PCSK5: variants seen among roughly 807,000 people sequenced by gnomAD.
The protein encoded by PCSK5 is prohormone convertase 5.
In PCSK5, 129 loss-of-function variants were observed where a neutral mutation model predicts 233.2. The observed-to-expected ratio is 0.55, with a 90% CI of 0.48 to 0.64. The LOEUF (loss-of-function observed/expected upper bound fraction) is 0.64, where lower values mean the gene tolerates loss of function less well. Among genes scored for constraint, PCSK5 ranks in the 30% least tolerant of loss-of-function variants. PCSK5 has a pLI of 0.00. For synonymous variants in PCSK5, 825 were observed against 879.2 expected (o/e 0.94, Z 1.09); for missense variants, 2,076 against 2,430.1 (o/e 0.85, Z 3.06).
At chr9:76,192,906 T>TCTGCTCTA (rs1824478511) in intron 20 of PCSK5, among the ~76,000 whole-genome samples, 1 of 152,164 alleles carries the variant, frequency 6.6e-6, no homozygotes, top group South Asian at 2.1e-4. Flanking sequence ...CTGTATACTC[T>TCTGCTCTA]CTGCTCTAGG....
chr9:76,332,432 G>T lies in PCSK5; in HGVS notation c.4571-1G>T. ...AATAGACATTTTTTCTCCCATGACAGACACAACCTGTGTGAAGGACTGCCC... is the reference window on the plus strand; with the variant it reads ...AATAGACATTTTTTCTCCCATGACATACACAACCTGTGTGAAGGACTGCCC... On this transcript the variant is annotated splice_acceptor_variant, in intron 33 of 37. Coordinates refer to ENST00000674117, the MANE Select transcript of PCSK5 (RefSeq NM_001372043.1). LOFTEE classifies it high-confidence loss of function. The T allele has an allele frequency of 6.2e-7, 1 of 1,610,534 alleles. No individual in the cohort carries two copies. The highest frequency in any genetic ancestry group is 8.5e-7 in the Non-Finnish European group (1 of 1,178,620).
intron 7 of PCSK5, among the ~76,000 whole-genome samples, chr9:76,085,942 A>C (rs1587607586): frequency 6.6e-6 from 1 of 152,296 alleles, no homozygotes; most frequent in East Asian, 1.9e-4. Flanking sequence ...ATTTACAGTA[A>C]GTTCCTTTCA....
At chr9:76,153,988 G>T (rs925276554) in intron 10 of PCSK5, among the ~76,000 whole-genome samples, 1 of 152,118 alleles carries the variant, frequency 6.6e-6, no homozygotes, top group African/African-American at 2.4e-5. Flanking sequence ...GTCATTTTGA[G>T]TATGAAAATT....
chr9:76,113,931 A>C (rs1832325122), intron 9 of PCSK5, among the ~76,000 whole-genome samples: 1 of 152,128 alleles, frequency 6.6e-6, no homozygotes, highest in South Asian at 2.1e-4. Context: ...TTTCCTTTTA[A>C]GAGAGTTTTA....
At chr9:76,254,793 G>C (rs995058097) in intron 24 of PCSK5, among the ~76,000 whole-genome samples, 2 of 152,190 alleles carry the variant, frequency 1.3e-5, no homozygotes, top group African/African-American at 2.4e-5. Flanking sequence ...ATCTACATCA[G>C]GCTAGACATG....
At chr9:76,178,297 A>C (rs1223651626) in intron 14 of PCSK5, among the ~76,000 whole-genome samples, 1 of 152,236 alleles carries the variant, frequency 6.6e-6, no homozygotes, top group Non-Finnish European at 1.5e-5. Context: ...CTTGCAGTTA[A>C]TCAGAAGTAT....
At chr9:75,921,136 C>T (rs939909892) in intron 1 of PCSK5, among the ~76,000 whole-genome samples, 1 of 151,786 alleles carries the variant, frequency 6.6e-6, no homozygotes, top group Non-Finnish European at 1.5e-5. Flanking sequence ...CTGTTTCTGC[C>T]GAATGAAATG....
chr9:76,170,025 G>A (rs1156583767), intron 13 of PCSK5, among the ~76,000 whole-genome samples, 185 bp downstream of exon 13: 3 of 152,182 alleles, frequency 2.0e-5, no homozygotes, highest in Non-Finnish European at 4.4e-5. Flanking sequence ...GTAATTTAAG[G>A]ATAGGAAATA....
chr9:76,282,872 T>G (rs538209171), intron 24 of PCSK5, among the ~76,000 whole-genome samples: 47 of 152,298 alleles, frequency 3.1e-4, no homozygotes, highest in African/African-American at 1.0e-3. Context: ...GAGGTCAAGA[T>G]AGTAACATTA....
rs1339512949 is a variant in PCSK5, at chr9:75,961,577, C to A, written c.298-24555C>A. Among the ~76,000 whole-genome samples the A allele has an allele frequency of 2.6e-5, 4 of 152,242 alleles. No homozygotes were observed. In the East Asian group the frequency reaches 7.7e-4, roughly 29 times the overall value. On this transcript the variant is annotated intron_variant, in intron 2 of 37. Transcript: ENST00000674117. ...ACAACTGACACTTGACTTATTAGAA[C>A]ATGTTTAAGTATGTTTGATATGATT... is the stretch of plus-strand genomic sequence containing the variant.
chr9:76,273,564 A>AATATAT (rs1336491411), intron 24 of PCSK5, among the ~76,000 whole-genome samples: 2,716 of 74,658 alleles, frequency 0.036, 63 homozygotes, highest in African/African-American at 0.045. Context: ...ACAAAATAGT[A>AATATAT]ATATATATAT....
At chr9:76,263,158 G>A (rs1038590318) in intron 24 of PCSK5, among the ~76,000 whole-genome samples, 1 of 151,928 alleles carries the variant, frequency 6.6e-6, no homozygotes, top group Non-Finnish European at 1.5e-5. Flanking sequence ...GGAGAAATAG[G>A]AACACTTTTA....
intron 20 of PCSK5, among the ~76,000 whole-genome samples, chr9:76,205,747 T>C (rs1825092517): frequency 6.6e-6 from 1 of 152,230 alleles, no homozygotes; most frequent in African/African-American, 2.4e-5. Flanking sequence ...ATACAGATGA[T>C]GTTTAGCCAT....
chr9:75,958,607 G>T (rs1007768567), intron 2 of PCSK5, among the ~76,000 whole-genome samples: 11 of 152,150 alleles, frequency 7.2e-5, no homozygotes, highest in Non-Finnish European at 1.2e-4. Flanking sequence ...GAGACTCTCT[G>T]TGAGATAATG....
intron 7 of PCSK5, among the ~76,000 whole-genome samples, chr9:76,090,062 A>G (rs184393521): frequency 5.8e-4 from 89 of 152,326 alleles, no homozygotes; most frequent in African/African-American, 2.0e-3. Context: ...GGAGCACTCA[A>G]TTAAATTGAA....
At chr9:75,929,236 T>C (rs1056315225) in intron 1 of PCSK5, among the ~76,000 whole-genome samples, 2 of 152,144 alleles carry the variant, frequency 1.3e-5, no homozygotes, top group Non-Finnish European at 2.9e-5. Flanking sequence ...CACAGCTGGA[T>C]TCTGATTTTT....
At chr9:76,104,555 A>G (rs1022740054) in intron 8 of PCSK5, among the ~76,000 whole-genome samples, 6 of 152,272 alleles carry the variant, frequency 3.9e-5, no homozygotes, top group Non-Finnish European at 8.8e-5. Flanking sequence ...TTGTATGCCT[A>G]GATACCTTGT....
intron 20 of PCSK5, among the ~76,000 whole-genome samples, chr9:76,201,558 G>A (rs76311864): frequency 0.031 from 4,679 of 152,308 alleles, 237 homozygotes; most frequent in African/African-American, 0.1. Flanking sequence ...TGATTGTGGA[G>A]TGTGCGACGG....
intron 3 of PCSK5, among the ~76,000 whole-genome samples, chr9:76,004,766 T>A (rs1161730025): frequency 1.3e-5 from 2 of 152,254 alleles, no homozygotes; most frequent in African/African-American, 4.8e-5. Flanking sequence ...AGTTGACTCC[T>A]GTGTCCTTTT....
Sources: allele counts gnomAD v4.1 joint callset (sites outside exome capture counted in the v4.1 genomes callset), GRCh38; gene constraint gnomAD v4.1.1; transcripts MANE v1.5; gene names NCBI Gene and HGNC (gene_info 2026-07-23, HGNC 2026-07-21).